AGAP1: variants seen among roughly 807,000 people sequenced by gnomAD.
AGAP1 encodes arf-GAP with GTPase, ANK repeat and PH domain-containing protein 1.
In AGAP1, 29 loss-of-function variants were observed where a neutral mutation model predicts 105.3. The ratio of observed to expected loss-of-function variants is 0.28; its 90% CI spans 0.21 to 0.38. The LOEUF (loss-of-function observed/expected upper bound fraction) is 0.38. Among genes scored for constraint, AGAP1 ranks in the 10% least tolerant of loss-of-function variants. The pLI is 1.00. For synonymous variants in AGAP1, 509 were observed against 485.9 expected (o/e 1.05, Z -0.63); for missense variants, 998 against 1,165.1 (o/e 0.86, Z 2.09).
chr2:235,682,903 C>G (rs185683870), intron 1 of AGAP1, among the ~76,000 whole-genome samples: 2 of 152,036 alleles, frequency 1.3e-5, no homozygotes, highest in East Asian at 1.9e-4. Flanking sequence ...CATCTCACCC[C>G]CTCCAACACA....
chr2:235,814,085 G>A (rs1049486352), intron 9 of AGAP1, among the ~76,000 whole-genome samples: 2 of 152,178 alleles, frequency 1.3e-5, no homozygotes, highest in Non-Finnish European at 2.9e-5. Context: ...CTAGGGTCTC[G>A]GGGTTTTTAT....
intron 1 of AGAP1, among the ~76,000 whole-genome samples, chr2:235,496,308 C>T (rs1330495237): frequency 6.6e-6 from 1 of 152,180 alleles, no homozygotes; most frequent in Non-Finnish European, 1.5e-5. Flanking sequence ...ATGAGGTCAC[C>T]TGGCTGCCTT....
rs372497290 is a variant in AGAP1 at position 236,073,027 on chromosome 2, C to A, written c.2114+23746C>A. Among the ~76,000 whole-genome samples the A allele has an allele frequency of 1.9e-3, 295 of 151,460 alleles. 1 individual carries two copies. The highest frequency in any genetic ancestry group is 6.9e-3 in the African/African-American group (283 of 41,274). On this transcript the variant is annotated intron_variant, in intron 16 of 17. Transcript: ENST00000304032. This position sits in a 1 kb window ranked among gnomAD's most constrained non-coding sequence, Gnocchi z 5.4. ...TTTTTTTTTTTTTCCTAGACAGTCT[C>A]GCTGTGTCTCCAGGCTGGAGTGCAG...
intron 1 of AGAP1, among the ~76,000 whole-genome samples, chr2:235,666,186 G>A (rs780240906): frequency 1.3e-5 from 2 of 151,862 alleles, no homozygotes; most frequent in African/African-American, 2.4e-5. Context: ...TGGTTTTGAG[G>A]TAGCAGTGAA....
intron 1 of AGAP1, among the ~76,000 whole-genome samples, chr2:235,532,989 T>C (rs1242433035): frequency 1.3e-5 from 2 of 152,074 alleles, no homozygotes; most frequent in African/African-American, 4.8e-5. Flanking sequence ...ATGCTTTTGT[T>C]TGAAGGGAAA....
chr2:236,041,656 G>A (rs2057552466), intron 15 of AGAP1, among the ~76,000 whole-genome samples: 1 of 152,184 alleles, frequency 6.6e-6, no homozygotes, highest in African/African-American at 2.4e-5. Flanking sequence ...TTGTTAAGTA[G>A]TGTTTTGAAG....
rs1037213281 is a variant in AGAP1, at chr2:235,989,157, A to G, written c.1645+20534A>G. On this transcript the variant is annotated intron_variant, in intron 13 of 17. Coordinates refer to ENST00000304032, the MANE Select transcript of AGAP1 (RefSeq NM_001037131.3). This position sits in a 1 kb window ranked among gnomAD's most constrained non-coding sequence, Gnocchi z 4.4. Reference sequence around the variant, plus strand: ...TATTTAAAACTGCAAGACGTAGGCAATACCAGGTCTTAACAGCTTGTTGTC... The same window carrying G: ...TATTTAAAACTGCAAGACGTAGGCAGTACCAGGTCTTAACAGCTTGTTGTC... Among the ~76,000 whole-genome samples the G allele has an allele frequency of 6.6e-6, 1 of 152,212 alleles. No individual in the cohort carries two copies. The highest frequency in any genetic ancestry group is 2.4e-5 in the African/African-American group (1 of 41,454).
chr2:235,519,810 C>A (rs757980134), intron 1 of AGAP1, among the ~76,000 whole-genome samples: 1 of 152,102 alleles, frequency 6.6e-6, no homozygotes, highest in Non-Finnish European at 1.5e-5. Flanking sequence ...GAGACGGAGT[C>A]TTGCTCTTGT....
intron 9 of AGAP1, among the ~76,000 whole-genome samples, chr2:235,863,033 T>C (rs1311969532): frequency 1.3e-5 from 2 of 152,248 alleles, no homozygotes; most frequent in African/African-American, 4.8e-5. Context: ...TATATTACCT[T>C]GCCCAATTAC....
chr2:235,880,739 CAAA>C (rs200556615), intron 9 of AGAP1, among the ~76,000 whole-genome samples: 3 of 91,630 alleles, frequency 3.3e-5, no homozygotes, highest in Admixed American at 1.3e-4. Flanking sequence ...GACTCCGTCT[CAAA>C]AAAAAAAAAA....
intron 1 of AGAP1, among the ~76,000 whole-genome samples, chr2:235,508,008 T>C (rs1941900240): frequency 1.3e-5 from 2 of 152,164 alleles, no homozygotes; most frequent in South Asian, 4.2e-4. Flanking sequence ...TGTGTCAATG[T>C]TGAGCTCAAG....
rs549844265 is a variant in AGAP1 at position 235,702,934 on chromosome 2, G to GTTTTTTTTTTTTTT, written c.164-6233_164-6232insTTTTTTTTTTTTTT. On this transcript the variant is annotated intron_variant, in intron 1 of 17. Coordinates refer to ENST00000304032, the MANE Select transcript of AGAP1 (RefSeq NM_001037131.3). Reference sequence around the variant, plus strand: ...TGGTCACTGTGAGCCAGTTTTCTTGGTTTTTTTTTTTTGGACAGAGTCTGG... The same window carrying GTTTTTTTTTTTTTT: ...TGGTCACTGTGAGCCAGTTTTCTTGGTTTTTTTTTTTTTTTTTTTTTTTTTTGGACAGAGTCTGG... 1.3e-3 allele frequency among the ~76,000 whole-genome samples: 112 copies of GTTTTTTTTTTTTTT among 88,944 alleles called. 21 individuals carry two copies. Among genetic ancestry groups the GTTTTTTTTTTTTTT allele is most frequent in the East Asian group, 6.9e-3 (12 of 1,734 alleles). 58.4% of individuals were successfully genotyped at this position (88,944 alleles called of 152,430 possible). A position where few individuals can be genotyped will look rare whatever the true frequency, so the allele number is the denominator to read the frequency against.
Position 235,750,290 on chromosome 2 carries a change from A to C in AGAP1, c.539-64A>C. On this transcript the variant is annotated intron_variant, in intron 5 of 17. Transcript: ENST00000304032. This position sits in a 1 kb window ranked among gnomAD's most constrained non-coding sequence, Gnocchi z 5.3. ...GGTACTGGTTTTCCGTGTTGTGGGGAGTGTAGGAAGTATTTAGAGCTGTCA... is the reference window on the plus strand; with the variant it reads ...GGTACTGGTTTTCCGTGTTGTGGGGCGTGTAGGAAGTATTTAGAGCTGTCA... 1 of 1,597,910 alleles carries C rather than the reference A, an allele frequency of 6.3e-7. No homozygotes were observed. The highest frequency in any genetic ancestry group is 2.3e-5 in the East Asian group (1 of 44,438).
rs1957391564 is a variant in AGAP1, at chr2:235,799,455, T to C, written c.890T>C (p.Val297Ala). 6.2e-7 allele frequency: 1 copy of C among 1,614,062 alleles called. No individual in the cohort carries two copies. The highest frequency in any genetic ancestry group is 1.1e-5 in the South Asian group (1 of 91,082). The change falls in exon 8 of 18, where the codon GTT (valine) becomes GCT (alanine). Residue 297 changes from valine (V) to alanine (A), a missense_variant. By Grantham distance (64) the Val-to-Ala change is moderately conservative. Around this residue, in one of 3 missense-constraint regions of AGAP1, gnomAD observed 735 missense variants for 833.4 expected, o/e 0.88. Transcript: ENST00000304032. This position sits in a 1 kb window ranked among gnomAD's most constrained non-coding sequence, Gnocchi z 5.0. ...AGCCAGAAGGAACTTCGGATCGATG[T>C]TCCTCCCACTGCCAACACGCCCACG... ...STSQKELRID[V>A]PPTANTPTPV...
rs1212640592 is a variant in AGAP1, at chr2:235,574,732, A to AC, written c.163+79885dup. 6.6e-6 allele frequency among the ~76,000 whole-genome samples: 1 copy of AC among 152,212 alleles called. No individual in the cohort carries two copies. Among genetic ancestry groups the AC allele is most frequent in the Admixed American group, 6.5e-5 (1 of 15,270 alleles). ...TTAAGAGGAATAATGGACCAAGTAC[A>AC]CCAGGAGGGAATGAACGAGAAAAAT... On this transcript the variant is annotated intron_variant, in intron 1 of 17. Coordinates refer to ENST00000304032, the MANE Select transcript of AGAP1 (RefSeq NM_001037131.3). This position sits in a 1 kb window ranked among gnomAD's most constrained non-coding sequence, Gnocchi z 5.0.
chr2:235,654,508 G>A (rs932965745), intron 1 of AGAP1, among the ~76,000 whole-genome samples: 1 of 152,178 alleles, frequency 6.6e-6, no homozygotes, highest in South Asian at 2.1e-4. Flanking sequence ...TATTTTAATG[G>A]GTGCATTGCT....
intron 6 of AGAP1, among the ~76,000 whole-genome samples, chr2:235,797,224 G>C (rs1465496986): frequency 1.3e-5 from 2 of 152,112 alleles, no homozygotes; most frequent in African/African-American, 4.8e-5. Context: ...TGGAAAAAAA[G>C]ATGATTTTAT....
chr2:235,666,136 A>G (rs1948120292), intron 1 of AGAP1, among the ~76,000 whole-genome samples: 1 of 152,058 alleles, frequency 6.6e-6, no homozygotes, highest in South Asian at 2.1e-4. Flanking sequence ...CTCGCGCAGC[A>G]TTAGTCCCTG....
rs144470236 is a variant in AGAP1, at chr2:235,962,004, G to A, written c.1484-6458G>A. Among the ~76,000 whole-genome samples, 4 of 152,178 alleles carry A rather than the reference G, an allele frequency of 2.6e-5. No individual in the cohort carries two copies. The highest frequency in any genetic ancestry group is 3.9e-4 in the East Asian group (2 of 5,178). ...TGCTGGGGACAGGCTGGGGCAGGGC[G>A]GGGTGGAGGGTGTCCTCTTCTGATG... On this transcript the variant is annotated intron_variant, in intron 12 of 17. Transcript: ENST00000304032. The surrounding 1 kb of genome is among the most constrained non-coding windows in gnomAD (Gnocchi z 5.3).
Sources: allele counts gnomAD v4.1 joint callset (sites outside exome capture counted in the v4.1 genomes callset), GRCh38; gene constraint gnomAD v4.1.1; regional missense constraint gnomAD v4.1.1; non-coding constraint Gnocchi (gnomAD v3.1); transcripts MANE v1.5; gene names NCBI Gene and HGNC (gene_info 2026-07-23, HGNC 2026-07-21).